CCDC88C: variants seen among roughly 807,000 people sequenced by gnomAD.
CCDC88C encodes coiled-coil and HOOK domain protein 88C, also known as protein Daple.
CCDC88C carries 131 observed loss-of-function variants against 198.8 expected under a neutral mutation model. That is an observed-to-expected ratio of 0.66 (90% CI 0.57 to 0.76). The LOEUF is 0.76. CCDC88C is among the 30% of genes least tolerant of loss of function. CCDC88C has a pLI of 0.00. For missense variants in CCDC88C, 2,553 were observed against 2,631.6 expected (o/e 0.97, Z 0.65); for synonymous variants, 1,166 against 1,114.7 (o/e 1.05, Z -0.92).
Position 91,305,774 on chromosome 14 carries a change from G to A in CCDC88C, c.3348C>T (p.Ala1116=). 1 of 1,600,116 alleles carries A rather than the reference G, an allele frequency of 6.2e-7. No homozygotes were observed. The highest frequency in any genetic ancestry group is 8.6e-7 in the Non-Finnish European group (1 of 1,168,110). Residue 1116 remains alanine, a synonymous_variant, in exon 19 of 30, where the codon GCC becomes GCT. Coordinates refer to ENST00000389857, the MANE Select transcript of CCDC88C (RefSeq NM_001080414.4). ...EHNTTLQTQT[A]KLQVENSTLS... ...TGGGAGCCCCGCTCACCTGCAGCTTGGCGGTCTGGGTCTGCAGTGTGGTGT... is the reference window on the plus strand; with the variant it reads ...TGGGAGCCCCGCTCACCTGCAGCTTAGCGGTCTGGGTCTGCAGTGTGGTGT...
At chr14:91,302,701 A>G (rs1409422915) in intron 20 of CCDC88C, among the ~76,000 whole-genome samples, 1 of 152,240 alleles carries the variant, frequency 6.6e-6, no homozygotes, top group African/African-American at 2.4e-5. Context: ...TCGAGAGTGC[A>G]TGATGCATAC....
chr14:91,342,147 G>A (rs1211446667), intron 6 of CCDC88C: 1 of 421,248 alleles, frequency 2.4e-6, no homozygotes, highest in East Asian at 3.8e-5. Flanking sequence ...ACTTGATTGA[G>A]GTGTTTTTTT....
intron 4 of CCDC88C, among the ~76,000 whole-genome samples, chr14:91,355,447 G>A (rs1894002151): frequency 1.3e-5 from 2 of 152,150 alleles, no homozygotes; most frequent in Non-Finnish European, 2.9e-5. Context: ...GGCCGTGCTC[G>A]GAGAAGCAGA....
chr14:91,297,491 C>A lies in CCDC88C; in HGVS notation c.3780G>T (p.Arg1260Ser). Residue 1260 changes from arginine to serine, a missense_variant and splice_region_variant, in exon 22 of 30, where the codon AGG (arginine) becomes AGT (serine). Around this residue, in one of 2 missense-constraint regions of CCDC88C, gnomAD observed 1,293 missense variants for 1,219.6 expected, o/e 1.06. Coordinates refer to ENST00000389857, the MANE Select transcript of CCDC88C (RefSeq NM_001080414.4). The part of the protein sequence containing the change: ...ENQRLRGELD[R>S]VNFLHHQLKG... Reference sequence around the variant, plus strand: ...TCAGCTGGTGGTGCAGGAAATTGACCCTGGAGGAGGAAGAGTCACAGGGCA... The same window carrying A: ...TCAGCTGGTGGTGCAGGAAATTGACACTGGAGGAGGAAGAGTCACAGGGCA... The A allele has an allele frequency of 6.4e-7, 1 of 1,553,742 alleles. No individual in the cohort carries two copies. Among genetic ancestry groups the A allele is most frequent in the Non-Finnish European group, 8.7e-7 (1 of 1,148,118 alleles).
In CCDC88C at chr14:91,316,574, C is replaced by T. The variant is rs925355600; in HGVS notation, c.1528-787G>A. Among the ~76,000 whole-genome samples the T allele has an allele frequency of 2.6e-5, 4 of 152,266 alleles. No homozygotes were observed. The East Asian group carries it at 7.7e-4, about 29-fold the overall frequency. On this transcript the variant is annotated intron_variant, in intron 13 of 29. Transcript: ENST00000389857. ...AGTAACTAGGACTACAGAAGCCTGCCACCACGCCCATCTAATTTTTGTATT... is the reference window on the plus strand; with the variant it reads ...AGTAACTAGGACTACAGAAGCCTGCTACCACGCCCATCTAATTTTTGTATT...
chr14:91,335,371 T>A (rs1051700214), intron 10 of CCDC88C, among the ~76,000 whole-genome samples: 1 of 152,038 alleles, frequency 6.6e-6, no homozygotes, highest in African/African-American at 2.4e-5. Context: ...CCTCTCACCG[T>A]CCACCCAGAC....
At chr14:91,321,687 T>C (rs1278633308) in intron 12 of CCDC88C, among the ~76,000 whole-genome samples, 1 of 152,132 alleles carries the variant, frequency 6.6e-6, no homozygotes, top group Non-Finnish European at 1.5e-5. Flanking sequence ...CCCCAGAGCA[T>C]AATGGACATC....
At chr14:91,373,415 A>C (rs972372905) in intron 3 of CCDC88C, among the ~76,000 whole-genome samples, 1 of 152,198 alleles carries the variant, frequency 6.6e-6, no homozygotes, top group Non-Finnish European at 1.5e-5. Context: ...GATGAAGAGA[A>C]GGAAAAATTC....
At chr14:91,375,139 A>T (rs1331016182) in intron 3 of CCDC88C, among the ~76,000 whole-genome samples, 2 of 152,126 alleles carry the variant, frequency 1.3e-5, no homozygotes, top group Non-Finnish European at 2.9e-5. Flanking sequence ...GAGGGTGGTG[A>T]TCTGGGCGGT....
chr14:91,355,213 C>A (rs567922966), intron 4 of CCDC88C, among the ~76,000 whole-genome samples: 2 of 152,072 alleles, frequency 1.3e-5, no homozygotes, highest in African/African-American at 4.8e-5. Flanking sequence ...GAGGAGAGCT[C>A]GGCTTCTGGG....
intron 14 of CCDC88C, among the ~76,000 whole-genome samples, chr14:91,314,652 C>A (rs1177244745): frequency 6.6e-6 from 1 of 152,212 alleles, no homozygotes; most frequent in African/African-American, 2.4e-5. Context: ...AGCCGTGTAT[C>A]CCAGTATTCT....
In CCDC88C at chr14:91,359,701, TGGA is replaced by T; in HGVS notation, c.278_280del (p.Leu93del). 1 of 1,609,606 alleles carries T rather than the reference TGGA, an allele frequency of 6.2e-7. No individual in the cohort carries two copies. The highest frequency in any genetic ancestry group is 8.5e-7 in the Non-Finnish European group (1 of 1,177,780). On this transcript the variant is annotated inframe_deletion, in exon 4 of 30. Transcript: ENST00000389857. ...GGGCAAATTCATTACAATCAGCTGC[TGGA>T]GAACTTCCTGCAGAAACAAAGGGGG...
chr14:91,310,131 A>G (rs1441431611), intron 15 of CCDC88C, 145 bp from the exon 16 acceptor site: 11 of 787,526 alleles, frequency 1.4e-5, no homozygotes, highest in Non-Finnish European at 2.1e-5. Context: ...AACCCCAGGG[A>G]TGCTCTTCCC....
At chr14:91,331,795 G>A (rs758805989) in intron 10 of CCDC88C, among the ~76,000 whole-genome samples, 35 of 152,188 alleles carry the variant, frequency 2.3e-4, no homozygotes, top group Admixed American at 4.6e-4. Flanking sequence ...AGACATGCCC[G>A]AGAGCACCCC....
chr14:91,317,901 A>G (rs1892175160), intron 13 of CCDC88C, among the ~76,000 whole-genome samples: 1 of 152,250 alleles, frequency 6.6e-6, no homozygotes, highest in Admixed American at 6.5e-5. Flanking sequence ...CAGACAGGAC[A>G]GGGCAGAGAG....
chr14:91,277,919 C>A lies in CCDC88C; in HGVS notation c.5058+3G>T. The A allele has an allele frequency of 1.3e-6, 2 of 1,493,924 alleles. No individual in the cohort carries two copies. Among genetic ancestry groups the A allele is most frequent in the Non-Finnish European group, 1.8e-6 (2 of 1,112,968 alleles). 92.5% of individuals were successfully genotyped at this position (1,493,924 alleles called of 1,614,324 possible). ...GGGCCAAGTCCGTGTCCGGATCACT[C>A]ACATGGGTGGGGGAGCTGCGGTTGC... On this transcript the variant is annotated splice_donor_region_variant and intron_variant, in intron 29 of 29. Coordinates refer to ENST00000389857, the MANE Select transcript of CCDC88C (RefSeq NM_001080414.4).
rs773076248 is a variant in CCDC88C, at chr14:91,299,937, C to T, written c.3769G>A (p.Glu1257Lys). The T allele has an allele frequency of 2.6e-5, 41 of 1,586,958 alleles. No individual in the cohort carries two copies. Among genetic ancestry groups the T allele is most frequent in the Non-Finnish European group, 3.3e-5 (39 of 1,170,690 alleles). ...GGCGCCGGCGCTCACCTGTCCAGCT[C>T]GCCCCGCAGCCTCTGGTTCTCGCCC... ...AMGENQRLRGELDRVNFLHHQ... is the reference protein window; with the variant it reads ...AMGENQRLRGKLDRVNFLHHQ... Residue 1257 changes from glutamate to lysine, a missense_variant, in exon 21 of 30, where the codon GAG becomes AAG. Physicochemically the swap from Glu to Lys is moderately conservative, Grantham distance 56. Transcript: ENST00000389857.
Position 91,339,383 on chromosome 14 carries a change from T to C in CCDC88C, c.704A>G (p.Asp235Gly). ...GCTGCTGGTGGGGCTGGGAGTGGAG[T>C]CGGCGCTGGAGGACTTGATGGGGCT... The part of the protein sequence containing the change: ...PPSPIKSSSA[D>G]STPSPTSSLS... Residue 235 changes from aspartate to glycine, a missense_variant, in exon 8 of 30, where the codon GAC becomes GGC. This residue lies in a region of CCDC88C where 1,260 missense variants were observed against 1,412.0 expected (regional missense o/e 0.89). Coordinates refer to ENST00000389857, the MANE Select transcript of CCDC88C (RefSeq NM_001080414.4). This position sits in a 1 kb window ranked among gnomAD's most constrained non-coding sequence, Gnocchi z 5.8. 1 of 1,612,376 alleles carries C rather than the reference T, an allele frequency of 6.2e-7. No individual in the cohort carries two copies. The highest frequency in any genetic ancestry group is 8.5e-7 in the Non-Finnish European group (1 of 1,179,472).
intron 27 of CCDC88C, 35 bp from the exon 28 acceptor site, chr14:91,279,341 C>G: frequency 1.3e-6 from 2 of 1,543,392 alleles, no homozygotes; most frequent in Non-Finnish European, 1.8e-6. Context: ...ATTAAAAAGC[C>G]AATGACCAGG....
Sources: gnomAD v4.1 joint callset for allele counts (sites outside exome capture counted in the v4.1 genomes callset) on GRCh38, gnomAD v4.1.1 for gene constraint, gnomAD v4.1.1 regional missense constraint, Gnocchi (gnomAD v3.1) non-coding constraint, MANE v1.5 for transcripts, NCBI Gene and HGNC (gene_info 2026-07-23, HGNC 2026-07-21) for gene names.